The following LRRTM4 variants were observed in gnomAD, a reference collection of about 807,000 sequenced individuals.
LRRTM4 encodes leucine-rich repeat transmembrane neuronal protein 4.
LRRTM4 carries 25 observed loss-of-function variants against 47.6 expected under a neutral mutation model. The observed-to-expected ratio is 0.53, with a 90% CI of 0.38 to 0.73. LRRTM4 has a LOEUF of 0.73. LRRTM4 is among the 30% of genes least tolerant of loss of function. The pLI is 0.00. For missense variants in LRRTM4, 638 were observed against 713.4 expected (o/e 0.89, Z 1.20); for synonymous variants, 311 against 269.5 (o/e 1.15, Z -1.51).
chr2:77,396,299 G>A (rs923312604), intron 3 of LRRTM4, among the ~76,000 whole-genome samples: 5 of 151,686 alleles, frequency 3.3e-5, no homozygotes, highest in Non-Finnish European at 5.9e-5. Flanking sequence ...CTCCACCACC[G>A]CTGAACTCAA....
At chr2:77,139,042 G>T (rs1672036121) in intron 3 of LRRTM4, among the ~76,000 whole-genome samples, 1 of 152,082 alleles carries the variant, frequency 6.6e-6, no homozygotes, top group Non-Finnish European at 1.5e-5. Flanking sequence ...TCTACCAGAG[G>T]TACAAGGAGG....
At chr2:77,345,089 T>C (rs1257564464) in intron 3 of LRRTM4, among the ~76,000 whole-genome samples, 1 of 150,362 alleles carries the variant, frequency 6.7e-6, no homozygotes. Flanking sequence ...AGTAAAACAC[T>C]CAATAAAAAT....
At chr2:76,922,202 G>A (rs755905588) in intron 3 of LRRTM4, among the ~76,000 whole-genome samples, 3 of 152,050 alleles carry the variant, frequency 2.0e-5, no homozygotes, top group Non-Finnish European at 2.9e-5. Flanking sequence ...TTTTCACACT[G>A]TTATAAAGAA....
chr2:77,417,751 T>TGG (rs1457583721), intron 3 of LRRTM4, among the ~76,000 whole-genome samples: 7 of 107,414 alleles, frequency 6.5e-5, no homozygotes, highest in Non-Finnish European at 1.3e-4. Flanking sequence ...CATCACACAC[T>TGG]GGGGCCTGTT....
At chr2:77,254,981 AAC>A (rs552522645) in intron 3 of LRRTM4, among the ~76,000 whole-genome samples, 76 of 152,000 alleles carry the variant, frequency 5.0e-4, no homozygotes, top group African/African-American at 1.7e-3. Context: ...AATAAAACAA[AAC>A]ACAGAGATGA....
chr2:77,471,406 G>A (rs1185267850), intron 3 of LRRTM4, among the ~76,000 whole-genome samples: 1 of 152,034 alleles, frequency 6.6e-6, no homozygotes, highest in African/African-American at 2.4e-5. Context: ...CCTCCTAAAT[G>A]TACACCTTAA....
At chr2:76,977,101 A>G (rs1053843361) in intron 3 of LRRTM4, among the ~76,000 whole-genome samples, 5 of 151,614 alleles carry the variant, frequency 3.3e-5, no homozygotes, top group African/African-American at 4.8e-5. Context: ...CCTTTGAGCT[A>G]GCAACCTGGC....
chr2:76,994,883 C>A (rs538639196), intron 3 of LRRTM4, among the ~76,000 whole-genome samples: 1 of 151,960 alleles, frequency 6.6e-6, no homozygotes, highest in Admixed American at 6.6e-5. Context: ...AGCTAGGGAA[C>A]TCTATTTTAT....
At chr2:77,397,596 A>T (rs543049166) in intron 3 of LRRTM4, among the ~76,000 whole-genome samples, 4 of 151,884 alleles carry the variant, frequency 2.6e-5, no homozygotes, top group African/African-American at 9.7e-5. Flanking sequence ...AGAGTTGTGC[A>T]GAGCTGTGAG....
chr2:76,776,876 G>A (rs1236537594), intron 3 of LRRTM4, among the ~76,000 whole-genome samples: 5 of 143,196 alleles, frequency 3.5e-5, no homozygotes, highest in Non-Finnish European at 7.6e-5. Context: ...TTCTTCTAGG[G>A]TTTTTATGGT....
chr2:77,175,266 G>T (rs1673162712), intron 3 of LRRTM4, among the ~76,000 whole-genome samples: 3 of 151,764 alleles, frequency 2.0e-5, no homozygotes, highest in Admixed American at 1.3e-4. Flanking sequence ...CTGAGGCAGG[G>T]CTTGCATGTC....
chr2:77,002,449 G>T (rs72823186), intron 3 of LRRTM4, among the ~76,000 whole-genome samples: 1 of 152,018 alleles, frequency 6.6e-6, no homozygotes, highest in Non-Finnish European at 1.5e-5. Context: ...TAGTATATGG[G>T]TCTGTTTCCC....
At position 76,798,029 on chromosome 2, in the gene LRRTM4, T is replaced by A. The variant is rs1015446917; in HGVS notation, c.1552-49113A>T. ...CACATTAACACCCCACTGTCAACAT[T>A]AGACAGATCAATGAGACAGAAAGTC... On this transcript the variant is annotated intron_variant, in intron 3 of 3. Transcript: ENST00000409884. 2.7e-5 allele frequency among the ~76,000 whole-genome samples: 4 copies of A among 146,952 alleles called. 1 individual carries two copies. Among genetic ancestry groups the A allele is most frequent in the African/African-American group, 1.0e-4 (4 of 38,980 alleles).
At chr2:76,870,147 G>A (rs373347858) in intron 3 of LRRTM4, among the ~76,000 whole-genome samples, 3 of 152,120 alleles carry the variant, frequency 2.0e-5, no homozygotes, top group Non-Finnish European at 4.4e-5. Context: ...AAAGACAGAT[G>A]ATCTTTTATC....
intron 3 of LRRTM4, among the ~76,000 whole-genome samples, chr2:77,463,514 T>C (rs1676868685): frequency 6.6e-6 from 1 of 152,100 alleles, no homozygotes; most frequent in Non-Finnish European, 1.5e-5. Flanking sequence ...CACAACTCTA[T>C]GGAACATATT....
intron 3 of LRRTM4, among the ~76,000 whole-genome samples, chr2:77,495,482 C>A (rs1242895642): frequency 6.6e-6 from 1 of 151,958 alleles, no homozygotes; most frequent in Non-Finnish European, 1.5e-5. Flanking sequence ...CGTAAGGTCA[C>A]CATTAATTTT....
At chr2:76,778,005 CTA>C (rs1181200875) in intron 3 of LRRTM4, among the ~76,000 whole-genome samples, 1 of 148,030 alleles carries the variant, frequency 6.8e-6, no homozygotes, top group African/African-American at 2.5e-5. Context: ...TTTTCTGCAT[CTA>C]TTGAGATAAT....
At chr2:77,090,802 A>G (rs1409064120) in intron 3 of LRRTM4, among the ~76,000 whole-genome samples, 7 of 152,168 alleles carry the variant, frequency 4.6e-5, no homozygotes, top group African/African-American at 1.7e-4. Context: ...CTCTGGCCCA[A>G]GGCTCTCTGA....
At chr2:77,095,576 G>T in intron 3 of LRRTM4, among the ~76,000 whole-genome samples, 1 of 150,950 alleles carries the variant, frequency 6.6e-6, no homozygotes. Context: ...CATGATCTTG[G>T]CTCACTGCAA....
Sources: gnomAD v4.1 joint callset for allele counts (sites outside exome capture counted in the v4.1 genomes callset) on GRCh38, gnomAD v4.1.1 for gene constraint, MANE v1.5 for transcripts, NCBI Gene and HGNC (gene_info 2026-07-23, HGNC 2026-07-21) for gene names.